Variants in LOXL2 observed in about 807,000 individuals in gnomAD.
LOXL2 encodes lysyl oxidase homolog 2.
Under a neutral mutation model 93.0 loss-of-function variants are expected in LOXL2, and 70 were observed. The observed-to-expected ratio is 0.75, with a 90% CI of 0.62 to 0.92. The LOEUF is 0.92. Ranked by LOEUF, LOXL2 falls within the 40% of genes least tolerant of loss-of-function variation. LOXL2 has a pLI of 0.00. For missense variants in LOXL2, 973 were observed against 1,054.9 expected, an observed-to-expected ratio of 0.92 and a Z score of 1.08; for synonymous variants, 438 against 413.2, an observed-to-expected ratio of 1.06 and a Z score of -0.73.
chr8:23,373,945 T>C (rs899630653), intron 1 of LOXL2, among the ~76,000 whole-genome samples: 3 of 151,920 alleles, frequency 2.0e-5, no homozygotes, highest in African/African-American at 7.3e-5. Context: ...AAATATGTGG[T>C]CTTGCAACAT....
intron 5 of LOXL2, among the ~76,000 whole-genome samples, chr8:23,332,851 TACAC>T (rs1200586036): frequency 1.2e-4 from 9 of 77,924 alleles, no homozygotes; most frequent in African/African-American, 2.6e-4. Context: ...CCCGCACACA[TACAC>T]ACACACTCAT....
In LOXL2 at chr8:23,320,060, C is replaced by T. The variant is rs568965647; in HGVS notation, c.1303-8G>A. ...GCCGCCGTTCAGGCGCAGCTGCAGA[C>T]ACAAAGGCAGGCCACGGTCACCAAG... On this transcript the variant is annotated splice_polypyrimidine_tract_variant and splice_region_variant and intron_variant, in intron 7 of 13. Coordinates refer to ENST00000389131, the MANE Select transcript of LOXL2 (RefSeq NM_002318.3). 2 of 1,613,520 alleles carry T rather than the reference C, an allele frequency of 1.2e-6. No individual in the cohort carries two copies. Among genetic ancestry groups the T allele is most frequent in the Admixed American group, 1.7e-5 (1 of 60,012 alleles).
At chr8:23,327,853 A>G (rs1803606172) in intron 6 of LOXL2, among the ~76,000 whole-genome samples, 1 of 152,184 alleles carries the variant, frequency 6.6e-6, no homozygotes, top group Non-Finnish European at 1.5e-5. Flanking sequence ...AGTTAATAAA[A>G]AGCAGGCCCT....
chr8:23,332,865 TACACACGCACAGACTCATAC>T, intron 5 of LOXL2, among the ~76,000 whole-genome samples: 1 of 106,290 alleles, frequency 9.4e-6, no homozygotes, highest in Non-Finnish European at 1.8e-5. Context: ...CACACACTCA[TACACACGCACAGACTCATAC>T]ACACACCCCC....
intron 3 of LOXL2, among the ~76,000 whole-genome samples, chr8:23,345,234 C>A (rs10106644): frequency 6.6e-6 from 1 of 152,168 alleles, no homozygotes; most frequent in Non-Finnish European, 1.5e-5. Context: ...CCCCCAAACC[C>A]GTGCTCCAGG....
At chr8:23,394,613 A>G (rs1414448933) in intron 1 of LOXL2, among the ~76,000 whole-genome samples, 1 of 152,138 alleles carries the variant, frequency 6.6e-6, no homozygotes, top group East Asian at 1.9e-4. Context: ...AGTGTCCCCA[A>G]AGATGTGGAG....
At chr8:23,343,752 A>T (rs1803924028) in intron 3 of LOXL2, among the ~76,000 whole-genome samples, 1 of 152,090 alleles carries the variant, frequency 6.6e-6, no homozygotes. Flanking sequence ...TGGATCCTGG[A>T]TCCTTTACAG....
At chr8:23,385,757 C>A in intron 1 of LOXL2, 1 of 581,304 alleles carries the variant, frequency 1.7e-6, no homozygotes, top group Non-Finnish European at 3.1e-6. Context: ...TAGCCACTTT[C>A]CAAAAGTAGA....
At chr8:23,384,105 T>C (rs1168314701) in intron 1 of LOXL2, among the ~76,000 whole-genome samples, 1 of 152,196 alleles carries the variant, frequency 6.6e-6, no homozygotes, top group African/African-American at 2.4e-5. Context: ...TTCACTTGTA[T>C]AGTAAAGGCA....
rs551867356 is a variant in LOXL2 at position 23,388,819 on chromosome 8, GA to G, written c.-84+15134del. On this transcript the variant is annotated intron_variant, in intron 1 of 13. Transcript: ENST00000389131. The stretch of plus-strand genomic sequence containing the variant: ...AGTAAAGCTTTTAAGGAGGGTAGGG[GA>G]AAAAAAGACTTTTAAGCAGGGCTTG... Among the ~76,000 whole-genome samples the G allele has an allele frequency of 2.2e-3, 333 of 152,052 alleles. 2 individuals are homozygous for G. Among genetic ancestry groups the G allele is most frequent in the African/African-American group, 7.4e-3 (305 of 41,478 alleles).
chr8:23,322,099 A>C, intron 7 of LOXL2, 31 bp downstream of exon 7: 1 of 1,610,460 alleles, frequency 6.2e-7, no homozygotes, highest in Non-Finnish European at 8.5e-7. Context: ...AGCCTCAGTT[A>C]CAGTCCCCTC....
At position 23,298,843 on chromosome 8, in the gene LOXL2, G is replaced by T; in HGVS notation, c.2238C>A (p.Cys746Ter). ...GGGGCGGCCTGGCCTTACCTATGTG[G>T]CAGTTGTACATCCAGATGCGGTGGC... The part of the protein sequence containing the change: ...YDGHRIWMYN[C>*]HIGGSFSEET... Residue 746 changes from cysteine to a stop codon, truncating the protein, a stop_gained, in exon 13 of 14, where the codon TGC becomes TGA. Coordinates refer to ENST00000389131, the MANE Select transcript of LOXL2 (RefSeq NM_002318.3). LOFTEE classifies it high-confidence loss of function. 6.2e-7 allele frequency: 1 copy of T among 1,609,134 alleles called. No individual in the cohort carries two copies. Among genetic ancestry groups the T allele is most frequent in the African/African-American group, 1.3e-5 (1 of 74,950 alleles).
chr8:23,397,871 G>A (rs1319502081), intron 1 of LOXL2, among the ~76,000 whole-genome samples: 4 of 146,400 alleles, frequency 2.7e-5, no homozygotes, highest in Non-Finnish European at 6.0e-5. Context: ...TGAGGCAGGA[G>A]AATCTCTTGA....
At position 23,332,184 on chromosome 8, in the gene LOXL2, A is replaced by C. The variant is rs539980880; in HGVS notation, c.966+1217T>G. On this transcript the variant is annotated intron_variant, in intron 5 of 13. Coordinates refer to ENST00000389131, the MANE Select transcript of LOXL2 (RefSeq NM_002318.3). ...CACACACTCACACTCTCTCACACAC[A>C]CACACACACCCCACACACACCCACA... Among the ~76,000 whole-genome samples, 178 of 148,936 alleles carry C rather than the reference A, an allele frequency of 1.2e-3. 1 individual carries two copies. Among genetic ancestry groups the C allele is most frequent in the African/African-American group, 4.1e-3 (168 of 40,532 alleles).
At chr8:23,316,703 G>C (rs556221075) in intron 9 of LOXL2, 39 of 510,070 alleles carry the variant, frequency 7.6e-5, no homozygotes, top group Non-Finnish European at 1.2e-4. Flanking sequence ...CAGTGGTCCT[G>C]TGACTGAATC....
chr8:23,340,494 G>A (rs555009056), intron 4 of LOXL2, among the ~76,000 whole-genome samples: 1 of 152,318 alleles, frequency 6.6e-6, no homozygotes, highest in African/African-American at 2.4e-5. Flanking sequence ...AGATTTAACT[G>A]GGATTGGATG....
rs1585348554 is a variant in LOXL2, at chr8:23,320,006, A to C, written c.1349T>G (p.Val450Gly). 6.2e-7 allele frequency: 1 copy of C among 1,613,788 alleles called. No individual in the cohort carries two copies. ...GRNPYEGRVE[V>G]LVERNGSLVW... ...AAGGGACCCGTTTCTCTCCACCAGCACCTCCACTCGGCCCTCGTAGGGATT... is the reference window on the plus strand; with the variant it reads ...AAGGGACCCGTTTCTCTCCACCAGCCCCTCCACTCGGCCCTCGTAGGGATT... Residue 450 changes from valine (V) to glycine (G), a missense_variant, in exon 8 of 14, where the codon GTG (valine) becomes GGG (glycine). Val to Gly is a moderately radical substitution (Grantham distance 109). Transcript: ENST00000389131.
chr8:23,298,781 G>T, intron 13 of LOXL2, 55 bp downstream of exon 13: 1 of 1,123,306 alleles, frequency 8.9e-7, no homozygotes, highest in Non-Finnish European at 1.4e-6. Context: ...CTGGGTCCTT[G>T]AGAAAGTAGG....
chr8:23,339,131 G>A (rs1452038896), intron 4 of LOXL2, among the ~76,000 whole-genome samples: 1 of 152,098 alleles, frequency 6.6e-6, no homozygotes, highest in Non-Finnish European at 1.5e-5. Flanking sequence ...TTTCTCTTTG[G>A]GACACATGTA....
Sources: allele counts gnomAD v4.1 joint callset (sites outside exome capture counted in the v4.1 genomes callset), GRCh38; gene constraint gnomAD v4.1.1; transcripts MANE v1.5; gene names NCBI Gene and HGNC (gene_info 2026-07-23, HGNC 2026-07-21).